Variants in RASGRF1 observed in about 807,000 individuals in gnomAD.
RASGRF1 encodes the protein ras-specific guanine nucleotide-releasing factor 1.
A neutral mutation model predicts 138.7 loss-of-function variants in RASGRF1; 40 were observed. That is an observed-to-expected ratio of 0.29 (90% CI 0.22 to 0.38). The LOEUF is 0.38. Ranked by LOEUF, RASGRF1 falls within the 10% of genes least tolerant of loss-of-function variation. The pLI, the probability that RASGRF1 is intolerant of heterozygous loss-of-function variation, is 1.00. For synonymous variants in RASGRF1, 614 were observed against 663.2 expected, an observed-to-expected ratio of 0.93 and a Z score of 1.14; for missense variants, 1,108 against 1,650.4, an observed-to-expected ratio of 0.67 and a Z score of 5.69.
intron 3 of RASGRF1, among the ~76,000 whole-genome samples, chr15:79,054,385 C>T (rs2057481685): frequency 6.6e-6 from 1 of 152,198 alleles, no homozygotes; most frequent in Admixed American, 6.5e-5. Context: ...CATTCTGTTA[C>T]ATACAACAGC....
intron 24 of RASGRF1, among the ~76,000 whole-genome samples, chr15:78,977,487 T>C (rs2055897406): frequency 6.6e-6 from 1 of 152,226 alleles, no homozygotes; most frequent in African/African-American, 2.4e-5. Context: ...GTTGCTAGGC[T>C]GCTCTGTGGT....
intron 1 of RASGRF1, among the ~76,000 whole-genome samples, chr15:79,068,492 TACAC>T (rs3071125): frequency 2.0e-5 from 2 of 98,246 alleles, no homozygotes; most frequent in South Asian, 3.0e-4. Flanking sequence ...TATATATATA[TACAC>T]ACACACACGT....
At chr15:79,062,391 T>A (rs1479404059) in intron 2 of RASGRF1, among the ~76,000 whole-genome samples, 1 of 152,156 alleles carries the variant, frequency 6.6e-6, no homozygotes, top group African/African-American at 2.4e-5. Flanking sequence ...ATAGTTCTGA[T>A]CATGCTACTC....
rs748524588 is a variant in RASGRF1, at chr15:78,973,589, C to T, written c.3495-169G>A. Among the ~76,000 whole-genome samples, 3 of 152,250 alleles carry T rather than the reference C, an allele frequency of 2.0e-5. No individual in the cohort carries two copies. The highest frequency in any genetic ancestry group is 7.2e-5 in the African/African-American group (3 of 41,550). On this transcript the variant is annotated intron_variant, in intron 24 of 26. Coordinates refer to ENST00000558480, the MANE Select transcript of RASGRF1 (RefSeq NM_001145648.3). This position sits in a 1 kb window ranked among gnomAD's most constrained non-coding sequence, Gnocchi z 4.9. ...GACTATTCTACACGCCCAGGACTGT[C>T]GGCTGGGTCTCAGGGCCAGTCCTCT...
chr15:79,039,207 G>T (rs2057262651), intron 5 of RASGRF1, among the ~76,000 whole-genome samples: 1 of 150,670 alleles, frequency 6.6e-6, no homozygotes, highest in African/African-American at 2.4e-5. Flanking sequence ...AGGTTGAGAG[G>T]GTGGCTTGAG....
intron 5 of RASGRF1, among the ~76,000 whole-genome samples, chr15:79,039,318 A>G (rs977113049): frequency 6.0e-5 from 9 of 151,106 alleles, no homozygotes; most frequent in Non-Finnish European, 8.9e-5. Context: ...AAAAAAAAAA[A>G]AAAAGAAAAA....
At chr15:78,977,682 T>A (rs761886835) in intron 24 of RASGRF1, among the ~76,000 whole-genome samples, 1 of 152,198 alleles carries the variant, frequency 6.6e-6, no homozygotes, top group Non-Finnish European at 1.5e-5. Flanking sequence ...TTCCCATCCT[T>A]AATTCAGGGG....
Position 79,032,384 on chromosome 15 carries a change from G to C in RASGRF1, c.959-68C>G, listed in dbSNP as rs2057153520. 6.7e-7 allele frequency: 1 copy of C among 1,487,078 alleles called. No individual in the cohort carries two copies. Among genetic ancestry groups the C allele is most frequent in the Non-Finnish European group, 9.2e-7 (1 of 1,081,956 alleles). 92.1% of individuals were successfully genotyped at this position (1,487,078 alleles called of 1,614,324 possible). A position where few individuals can be genotyped will look rare whatever the true frequency, so the allele number is the denominator to read the frequency against. ...TGGGGACAGAATCCCCTAGGCCCTT[G>C]GCTCCCCCAGCTACACCCAGAGAGG... On this transcript the variant is annotated intron_variant, in intron 6 of 26. Transcript: ENST00000558480. This position sits in a 1 kb window ranked among gnomAD's most constrained non-coding sequence, Gnocchi z 4.5.
At chr15:78,993,075 GGT>G (rs149004615) in intron 20 of RASGRF1, among the ~76,000 whole-genome samples, 21,153 of 148,394 alleles carry the variant, frequency 0.14, 1,572 homozygotes, top group Admixed American at 0.16. Flanking sequence ...TGGTGTGTGT[GGT>G]GTGTGGGTGG....
chr15:79,061,099 T>C (rs1044855093), intron 2 of RASGRF1, among the ~76,000 whole-genome samples: 15 of 152,142 alleles, frequency 9.9e-5, no homozygotes, highest in Admixed American at 9.8e-4. Context: ...ATGCAGCCTC[T>C]AGGAACTGCC....
intron 20 of RASGRF1, among the ~76,000 whole-genome samples, chr15:78,992,646 C>T (rs2056295257): frequency 1.3e-5 from 2 of 152,204 alleles, no homozygotes; most frequent in African/African-American, 2.4e-5. Context: ...CTGGGCCACA[C>T]AGGAGGAGAG....
chr15:79,074,259 G>A (rs1389209636), intron 1 of RASGRF1, among the ~76,000 whole-genome samples: 1 of 152,220 alleles, frequency 6.6e-6, no homozygotes, highest in Non-Finnish European at 1.5e-5. Flanking sequence ...CATGCTTCAA[G>A]GGGAACTGAT....
At chr15:79,067,594 C>T (rs1001303886) in intron 1 of RASGRF1, among the ~76,000 whole-genome samples, 3 of 152,262 alleles carry the variant, frequency 2.0e-5, no homozygotes, top group East Asian at 1.9e-4. Context: ...CCTTTGTGCT[C>T]GTAAACCTGC....
intron 10 of RASGRF1, among the ~76,000 whole-genome samples, chr15:79,023,586 C>T (rs2140985480): frequency 6.6e-6 from 1 of 152,276 alleles, no homozygotes; most frequent in Admixed American, 6.5e-5. Context: ...GGAGAGGAGG[C>T]TGTGTGGCTG....
chr15:79,002,787 G>A (rs990254036), intron 15 of RASGRF1, among the ~76,000 whole-genome samples: 12 of 152,314 alleles, frequency 7.9e-5, no homozygotes, highest in South Asian at 2.1e-4. Context: ...GGAGCCTGGC[G>A]GAGGATTTAT....
intron 26 of RASGRF1, among the ~76,000 whole-genome samples, chr15:78,969,002 G>C (rs2055698931): frequency 6.6e-6 from 1 of 151,936 alleles, no homozygotes; most frequent in Non-Finnish European, 1.5e-5. Flanking sequence ...CCCTTTCTTG[G>C]CCCATTGACT....
At chr15:79,064,551 A>T (rs2057650864) in intron 1 of RASGRF1, 25 bp from the exon 2 acceptor site, 4 of 1,605,634 alleles carry the variant, frequency 2.5e-6, no homozygotes, top group Non-Finnish European at 3.4e-6. Context: ...AGACATCTCC[A>T]ATTACCAGAG....
intron 15 of RASGRF1, among the ~76,000 whole-genome samples, chr15:79,002,244 C>A (rs920113013): frequency 6.6e-6 from 1 of 152,158 alleles, no homozygotes; most frequent in Non-Finnish European, 1.5e-5. Flanking sequence ...TAACCTATTG[C>A]CGCGTGCCCC....
At chr15:78,986,514 G>A (rs1022016765) in intron 22 of RASGRF1, among the ~76,000 whole-genome samples, 12 of 151,756 alleles carry the variant, frequency 7.9e-5, no homozygotes, top group South Asian at 6.3e-4. Context: ...GCCTGACTAA[G>A]TTTTGTATTT....
Sources: allele counts gnomAD v4.1 joint callset (sites outside exome capture counted in the v4.1 genomes callset), GRCh38; gene constraint gnomAD v4.1.1; non-coding constraint Gnocchi (gnomAD v3.1); transcripts MANE v1.5; gene names NCBI Gene and HGNC (gene_info 2026-07-23, HGNC 2026-07-21).